PCDHGA2: variants seen among roughly 807,000 people sequenced by gnomAD.
PCDHGA2 encodes the protein protocadherin gamma subfamily A, 2.
Under a neutral mutation model 59.2 loss-of-function variants are expected in PCDHGA2, and 40 were observed. The observed-to-expected ratio is 0.68, with a 90% CI of 0.52 to 0.88. PCDHGA2 has a LOEUF of 0.88. PCDHGA2 is among the 40% of genes least tolerant of loss of function. PCDHGA2 has a pLI of 0.00. For synonymous variants in PCDHGA2, 560 were observed against 526.0 expected, an observed-to-expected ratio of 1.06 and a Z score of -0.89; for missense variants, 1,226 against 1,204.0, an observed-to-expected ratio of 1.02 and a Z score of -0.27.
At position 141,486,134 on chromosome 5, in the gene PCDHGA2, C is replaced by T; in HGVS notation, c.2425-8673C>T. 6.2e-7 allele frequency: 1 copy of T among 1,614,168 alleles called. No homozygotes were observed. ...TGAGAATTACTATGAATTTGATGTG[C>T]GGGCTCGCGATGGGGGTTCTCCAGC... On this transcript the variant is annotated intron_variant, in intron 1 of 3. Coordinates refer to ENST00000394576, the MANE Select transcript of PCDHGA2 (RefSeq NM_018915.4). The surrounding 1 kb of genome is among the most constrained non-coding windows in gnomAD (Gnocchi z 5.0).
chr5:141,399,383 C>A, intron 1 of PCDHGA2: 1 of 1,614,008 alleles, frequency 6.2e-7, no homozygotes. Context: ...GTCACCATCA[C>A]AGCCACAGAC....
chr5:141,362,662 T>G, intron 1 of PCDHGA2: 39 of 1,290,572 alleles, frequency 3.0e-5, no homozygotes, highest in Non-Finnish European at 3.8e-5. Context: ...ATTTGGCCAA[T>G]GTTGTGCCTT....
chr5:141,365,687 C>T, intron 1 of PCDHGA2: 1 of 1,613,530 alleles, frequency 6.2e-7, no homozygotes, highest in Non-Finnish European at 8.5e-7. Context: ...ACCCAATTTC[C>T]CTCAAGCCTC....
Position 141,341,150 on chromosome 5 carries a change from G to C in PCDHGA2, c.2179G>C (p.Ala727Pro), listed in dbSNP as rs770135512. The change falls in exon 1 of 4, where the codon GCT becomes CCT. Residue 727 changes from alanine (A) to proline (P), a missense_variant. Physicochemically the swap from Ala to Pro is conservative, Grantham distance 27 (BLOSUM62 -1). Transcript: ENST00000394576. ...RRWHKSRLLQ[A>P]SGGSLTGMQS... ...CTGGCACAAGTCACGCCTGCTGCAG[G>C]CTTCAGGAGGCAGCTTGACAGGCAT... The C allele has an allele frequency of 1.0e-4, 165 of 1,614,240 alleles. 1 individual carries two copies. In the Middle Eastern group the frequency reaches 1.2e-3, roughly 11 times the overall value.
chr5:141,395,372 G>A, intron 1 of PCDHGA2: 2 of 1,191,834 alleles, frequency 1.7e-6, no homozygotes, highest in Non-Finnish European at 2.3e-6. Flanking sequence ...TTATTTTGGT[G>A]GTGTTACTAT....
chr5:141,394,868 C>G lies in PCDHGA2; in HGVS notation c.2424+53473C>G, dbSNP rs1159006718. On this transcript the variant is annotated intron_variant, in intron 1 of 3. Coordinates refer to ENST00000394576, the MANE Select transcript of PCDHGA2 (RefSeq NM_018915.4). ...GTCTGAAGCCTTCGGTCGACCCGAA[C>G]GATTCGAGCCTTACACTCTATCTCG... The G allele has an allele frequency of 1.7e-5, 27 of 1,613,710 alleles. No homozygotes were observed. In the African/African-American group the frequency reaches 1.7e-4, roughly 10 times the overall value.
Position 141,338,840 on chromosome 5 carries a change from A to G in PCDHGA2, c.-132A>G. 7.2e-7 allele frequency: 1 copy of G among 1,397,104 alleles called. No individual in the cohort carries two copies. Among genetic ancestry groups the G allele is most frequent in the South Asian group, 1.8e-5 (1 of 56,428 alleles). The allele number at this position is 1,397,104 out of a possible 1,614,324, so 86.5% of individuals were successfully genotyped here. A position where few individuals can be genotyped will look rare whatever the true frequency, so the allele number is the denominator to read the frequency against. ...TCAGGACACCAAAGAAATTCAGTCG[A>G]ACAGCCCACCAGTTCTCTCCATAGG... On this transcript the variant is annotated 5_prime_UTR_variant, in exon 1 of 4. Transcript: ENST00000394576.
intron 3 of PCDHGA2, among the ~76,000 whole-genome samples, chr5:141,508,624 G>A (rs552418899): frequency 3.3e-5 from 5 of 152,256 alleles, no homozygotes; most frequent in African/African-American, 9.6e-5. Context: ...TGGGTGGGCC[G>A]AGCTTCTAGC....
intron 1 of PCDHGA2, among the ~76,000 whole-genome samples, chr5:141,424,944 A>G (rs958272371): frequency 2.6e-5 from 4 of 152,108 alleles, no homozygotes; most frequent in African/African-American, 9.7e-5. Context: ...CTCTCACATC[A>G]CTTCTAGGTA....
At chr5:141,499,271 T>C (rs2099790752) in intron 2 of PCDHGA2, among the ~76,000 whole-genome samples, 1 of 152,180 alleles carries the variant, frequency 6.6e-6, no homozygotes, top group South Asian at 2.1e-4. Context: ...GTCCCTAGAC[T>C]GTTCTCTGAT....
intron 1 of PCDHGA2, chr5:141,367,099 T>A (rs1197346861): frequency 4.0e-6 from 1 of 250,422 alleles, no homozygotes; most frequent in Admixed American, 5.1e-5. Context: ...CTTTTGAGTG[T>A]CTGCCTAGAC....
chr5:141,404,290 T>C (rs2094507318), intron 1 of PCDHGA2: 1 of 1,613,984 alleles, frequency 6.2e-7, no homozygotes, highest in South Asian at 1.1e-5. Context: ...CTGACATCAA[T>C]GATAATCCAC....
At chr5:141,363,773 T>C (rs1763060078) in intron 1 of PCDHGA2, among the ~76,000 whole-genome samples, 1 of 152,230 alleles carries the variant, frequency 6.6e-6, no homozygotes, top group Non-Finnish European at 1.5e-5. Context: ...AAGCACGTTT[T>C]CCTAAATTTA....
intron 1 of PCDHGA2, chr5:141,376,535 G>A (rs1194313716): frequency 6.2e-7 from 1 of 1,613,586 alleles, no homozygotes; most frequent in South Asian, 1.1e-5. Context: ...TAAGCGGGAA[G>A]AGTAATCTGA....
intron 1 of PCDHGA2, among the ~76,000 whole-genome samples, chr5:141,402,740 C>A (rs2094301178): frequency 6.6e-6 from 1 of 152,146 alleles, no homozygotes; most frequent in Non-Finnish European, 1.5e-5. Context: ...CGCTGTTGAT[C>A]AACTCTAAGC....
At chr5:141,441,775 A>G (rs1005757857) in intron 1 of PCDHGA2, 27 of 388,638 alleles carry the variant, frequency 6.9e-5, no homozygotes, top group Admixed American at 5.4e-4. Context: ...GTGTTGGTGG[A>G]CGACCTGAAT....
chr5:141,371,006 G>T, intron 1 of PCDHGA2: 1 of 1,613,750 alleles, frequency 6.2e-7, no homozygotes, highest in Non-Finnish European at 8.5e-7. Context: ...ACAGGGAAGA[G>T]CAGCCACATC....
At chr5:141,361,625 A>AGCC (rs747981041) in intron 1 of PCDHGA2, 1 of 1,613,928 alleles carries the variant, frequency 6.2e-7, no homozygotes, top group African/African-American at 1.3e-5. Context: ...AGCGACCTGA[A>AGCC]GCCGCGGGAG....
Position 141,477,395 on chromosome 5 carries a change from A to G in PCDHGA2, c.2425-17412A>G. The G allele has an allele frequency of 1.9e-6, 3 of 1,614,126 alleles. No individual in the cohort carries two copies. The highest frequency in any genetic ancestry group is 1.3e-5 in the African/African-American group (1 of 75,020). ...GACTGTGCCAGAATACAACCTCAGC[A>G]TCACCGCCCGAGACGCCGGAACCCC... On this transcript the variant is annotated intron_variant, in intron 1 of 3. Transcript: ENST00000394576. The surrounding 1 kb of genome is among the most constrained non-coding windows in gnomAD (Gnocchi z 4.9).
Sources: allele counts gnomAD v4.1 joint callset (sites outside exome capture counted in the v4.1 genomes callset), GRCh38; gene constraint gnomAD v4.1.1; non-coding constraint Gnocchi (gnomAD v3.1); transcripts MANE v1.5; gene names NCBI Gene and HGNC (gene_info 2026-07-23, HGNC 2026-07-21).